Variants in CAPS2 observed in about 807,000 individuals in gnomAD.
The protein encoded by CAPS2 is calcyphosine 2, also known as calcyphosin-2.
A neutral mutation model predicts 86.5 loss-of-function variants in CAPS2; 98 were observed. The ratio of observed to expected loss-of-function variants is 1.13; its 90% CI spans 0.96 to 1.34. The LOEUF is 1.34. Among genes scored for constraint, CAPS2 ranks in the 40% most tolerant of loss-of-function variants. The probability of loss-of-function intolerance (pLI) is 0.00; values close to 1 mark genes in which losing one functional copy is unlikely to be tolerated. For synonymous variants in CAPS2, 210 were observed against 225.1 expected (o/e 0.93, Z 0.60); for missense variants, 729 against 686.8 (o/e 1.06, Z -0.69).
At chr12:75,306,227 A>G in intron 7 of CAPS2, 1 of 664,330 alleles carries the variant, frequency 1.5e-6, no homozygotes. Flanking sequence ...CAGCCGCGAA[A>G]TTACGAACAT....
chr12:75,331,609 G>A (rs887701463), upstream of CAPS2, among the ~76,000 whole-genome samples: 1 of 151,642 alleles, frequency 6.6e-6, no homozygotes, highest in African/African-American at 2.4e-5. Context: ...TGTCGCCCAG[G>A]CTGGAGTGCA....
At chr12:75,311,996 T>A (rs1441627364) in intron 7 of CAPS2, among the ~76,000 whole-genome samples, 1 of 152,210 alleles carries the variant, frequency 6.6e-6, no homozygotes, top group East Asian at 1.9e-4. Flanking sequence ...CCATTATTTC[T>A]GTCATGCATT....
exon 14 of CAPS2, chr12:75,289,685 C>T (rs2035504529): frequency 1.2e-6 from 2 of 1,613,234 alleles, no homozygotes; most frequent in Admixed American, 1.7e-5. Flanking sequence ...ATCTAAAAGT[C>T]CATTTCCTTC....
At chr12:75,367,971 C>T (rs534462831) in intron 1 of CAPS2, among the ~76,000 whole-genome samples, 39 of 152,110 alleles carry the variant, frequency 2.6e-4, no homozygotes, top group Middle Eastern at 3.4e-3. Flanking sequence ...TTTCTCTTTT[C>T]CTTATTTTGC....
chr12:75,330,078 G>A (rs1291890476), upstream of CAPS2: 6 of 399,940 alleles, frequency 1.5e-5, no homozygotes, highest in Non-Finnish European at 2.7e-5. Context: ...GGCAACAGGC[G>A]CCGCAGCGCA....
intron 1 of CAPS2, among the ~76,000 whole-genome samples, chr12:75,375,533 C>T (rs952929236): frequency 6.6e-6 from 1 of 152,154 alleles, no homozygotes; most frequent in South Asian, 2.1e-4. Flanking sequence ...GGGATCCAGC[C>T]TCCTCTTTAT....
Position 75,298,719 on chromosome 12 carries a change from C to A in CAPS2, c.1012G>T (p.Gly338Ter). The change falls in exon 11 of 17, where the codon GGA (glycine) becomes TGA (stop). Residue 338 changes from glycine (G) to a stop codon, truncating the protein, a stop_gained. Coordinates refer to ENST00000393284, the Ensembl canonical transcript of CAPS2. LOFTEE classifies it high-confidence loss of function. ...AAATCACCAAGTCGGTATTGTTTTC[C>A]TTTTCTTCGTCCACACTGATGACTA... The A allele has an allele frequency of 1.2e-6, 2 of 1,614,014 alleles. No individual in the cohort carries two copies. Among genetic ancestry groups the A allele is most frequent in the African/African-American group, 2.7e-5 (2 of 75,026 alleles).
chr12:75,348,710 G>C (rs928651649), intron 1 of CAPS2, among the ~76,000 whole-genome samples: 2 of 152,160 alleles, frequency 1.3e-5, no homozygotes, highest in Non-Finnish European at 2.9e-5. Flanking sequence ...TATGGGTCTT[G>C]TGAAAGCATA....
intron 1 of CAPS2, among the ~76,000 whole-genome samples, chr12:75,382,653 A>G (rs1302109762): frequency 6.6e-6 from 1 of 151,904 alleles, no homozygotes; most frequent in Non-Finnish European, 1.5e-5. Context: ...AAAAAAAAGA[A>G]GAAGAATTTT....
At chr12:75,344,895 C>CT (rs1446187362) in intron 1 of CAPS2, among the ~76,000 whole-genome samples, 1 of 152,100 alleles carries the variant, frequency 6.6e-6, no homozygotes, top group Non-Finnish European at 1.5e-5. Flanking sequence ...TCTGCACACT[C>CT]TAACTAATAC....
At chr12:75,291,567 G>GTA (rs66622366) in intron 13 of CAPS2, among the ~76,000 whole-genome samples, 177 bp downstream of exon 13, 1,490 of 27,446 alleles carry the variant, frequency 0.054, 34 homozygotes, top group Middle Eastern at 0.1. Flanking sequence ...ATTTTTAAAA[G>GTA]TATATATATA....
At chr12:75,325,602 G>C (rs2040695107) in intron 1 of CAPS2, among the ~76,000 whole-genome samples, 1 of 151,970 alleles carries the variant, frequency 6.6e-6, no homozygotes, top group African/African-American at 2.4e-5. Flanking sequence ...GGGAATTTAG[G>C]AAGCTTGTTT....
At position 75,387,659 on chromosome 12, in the gene CAPS2, C is replaced by T. The variant is rs143374935; in HGVS notation, c.-395+3179G>A. Among the ~76,000 whole-genome samples, 677 of 152,176 alleles carry T rather than the reference C, an allele frequency of 4.4e-3. 3 individuals are homozygous for T. The highest frequency in any genetic ancestry group is 0.016 in the African/African-American group (656 of 41,520). Reference sequence around the variant, plus strand: ...GTCAAGGGGCCATATCTGGTGTGGCCCTTCTTGCTACTGGGGACTCTGCAG... The same window carrying T: ...GTCAAGGGGCCATATCTGGTGTGGCTCTTCTTGCTACTGGGGACTCTGCAG... On this transcript the variant is annotated intron_variant, in intron 1 of 5. Transcript: ENST00000551829.
chr12:75,339,326 T>C (rs1422001460), intron 1 of CAPS2, among the ~76,000 whole-genome samples: 3 of 152,348 alleles, frequency 2.0e-5, no homozygotes, highest in African/African-American at 4.8e-5. Context: ...AATTGTGGTT[T>C]TGATTGCATT....
chr12:75,326,482 TTAACCTC>T lies in CAPS2; in HGVS notation c.10_16del (p.Glu4LysfsTer89). The T allele has an allele frequency of 6.5e-7, 1 of 1,544,594 alleles. No homozygotes were observed. The highest frequency in any genetic ancestry group is 8.8e-7 in the Non-Finnish European group (1 of 1,140,712). ...GCTCCTAGAAGTGGCAGCAACTCCT[TTAACCTC>T]TAAATCCATTTGAGTTCCTGTGTTT... On this transcript the variant is annotated frameshift_variant, in exon 1 of 17. Coordinates refer to ENST00000393284, the Ensembl canonical transcript of CAPS2. LOFTEE classifies it high-confidence loss of function.
intron 8 of CAPS2, among the ~76,000 whole-genome samples, chr12:75,300,231 CTCT>C (rs893141668): frequency 1.3e-5 from 2 of 152,166 alleles, no homozygotes; most frequent in East Asian, 1.9e-4. Flanking sequence ...ATTTCTAACC[CTCT>C]TCTTCTTTGC....
downstream of CAPS2, chr12:75,276,733 G>A (rs146670069): frequency 5.7e-5 from 48 of 837,234 alleles, no homozygotes; most frequent in South Asian, 2.1e-3. Context: ...AAACAGTATG[G>A]TTAACTGAGA....
chr12:75,301,653 C>T (rs947023541), intron 8 of CAPS2, among the ~76,000 whole-genome samples: 5 of 152,094 alleles, frequency 3.3e-5, no homozygotes, highest in African/African-American at 1.2e-4. Flanking sequence ...TTGTCCAGGG[C>T]CATATGATTA....
intron 7 of CAPS2, chr12:75,305,722 G>A (rs2038389002): frequency 4.4e-6 from 3 of 682,662 alleles, no homozygotes; most frequent in Non-Finnish European, 8.3e-6. Flanking sequence ...ACGAGCTCGT[G>A]TGGTACATGC....
Sources: allele counts gnomAD v4.1 joint callset (sites outside exome capture counted in the v4.1 genomes callset), GRCh38; gene constraint gnomAD v4.1.1; transcripts MANE v1.5; gene names NCBI Gene and HGNC (gene_info 2026-07-23, HGNC 2026-07-21).